The following SLC30A8 variants were observed in gnomAD, a reference collection of about 807,000 sequenced individuals.
The protein encoded by SLC30A8 is proton-coupled zinc antiporter SLC30A8.
SLC30A8 carries 27 observed loss-of-function variants against 36.9 expected under a neutral mutation model. The observed-to-expected ratio is 0.73, with a 90% CI of 0.54 to 1.01. The LOEUF (loss-of-function observed/expected upper bound fraction) is 1.01. Ranked by LOEUF, SLC30A8 falls within the 50% of genes least tolerant of loss-of-function variation. SLC30A8 has a pLI of 0.00. For missense variants in SLC30A8, 439 were observed against 452.0 expected (o/e 0.97, Z 0.26); for synonymous variants, 164 against 172.4 (o/e 0.95, Z 0.38).
At chr8:117,003,366 G>T (rs1816076024) in intron 1 of SLC30A8, among the ~76,000 whole-genome samples, 1 of 152,194 alleles carries the variant, frequency 6.6e-6, no homozygotes, top group Admixed American at 6.5e-5. Flanking sequence ...GGGCATGTTG[G>T]TTGAAGTTCT....
chr8:116,992,818 C>G (rs1445096573), intron 1 of SLC30A8, among the ~76,000 whole-genome samples: 1 of 152,080 alleles, frequency 6.6e-6, no homozygotes, highest in African/African-American at 2.4e-5. Flanking sequence ...TTATTTGCAG[C>G]CATGGGGTAG....
chr8:117,072,512 A>G (rs988195205), intron 2 of SLC30A8, among the ~76,000 whole-genome samples: 6 of 152,158 alleles, frequency 3.9e-5, no homozygotes, highest in Non-Finnish European at 8.8e-5. Context: ...ACATCTAATC[A>G]AGGATAACAT....
rs559555303 is a variant in SLC30A8 at position 117,073,860 on chromosome 8, C to T, written c.-226+34602C>T. Among the ~76,000 whole-genome samples, 36 of 152,176 alleles carry T rather than the reference C, an allele frequency of 2.4e-4. No homozygotes were observed. The South Asian group carries it at 6.4e-3, about 27-fold the overall frequency. On this transcript the variant is annotated intron_variant, in intron 2 of 10. Coordinates refer to the SLC30A8 transcript ENST00000427715. Reference sequence around the variant, plus strand: ...TGATCTAGTGCCTGCCTAAGTTCCCCGTCAGCCCTCCACAAATAATTCATA... The same window carrying T: ...TGATCTAGTGCCTGCCTAAGTTCCCTGTCAGCCCTCCACAAATAATTCATA...
intron 2 of SLC30A8, among the ~76,000 whole-genome samples, chr8:117,125,275 T>C (rs1820855716): frequency 6.6e-6 from 1 of 152,028 alleles, no homozygotes; most frequent in South Asian, 2.1e-4. Flanking sequence ...TTTGGTAATT[T>C]TCATTTACTC....
intron 1 of SLC30A8, among the ~76,000 whole-genome samples, chr8:116,955,259 C>G (rs1264632327): frequency 6.6e-6 from 1 of 152,114 alleles, no homozygotes; most frequent in Non-Finnish European, 1.5e-5. Flanking sequence ...AAGATAAGGT[C>G]ATTTTGGGCT....
chr8:117,156,006 C>A (rs955809559), intron 3 of SLC30A8, among the ~76,000 whole-genome samples: 1 of 152,120 alleles, frequency 6.6e-6, no homozygotes, highest in Non-Finnish European at 1.5e-5. Flanking sequence ...GACCCTATTT[C>A]CAAATAAAGT....
intron 2 of SLC30A8, among the ~76,000 whole-genome samples, chr8:117,050,281 A>C (rs970661662): frequency 6.6e-6 from 1 of 152,202 alleles, no homozygotes; most frequent in Admixed American, 6.5e-5. Context: ...TCTATAGAGC[A>C]GTAGCCTTGG....
chr8:117,104,297 C>G (rs528645667), intron 2 of SLC30A8, among the ~76,000 whole-genome samples: 1 of 152,182 alleles, frequency 6.6e-6, no homozygotes, highest in Non-Finnish European at 1.5e-5. Context: ...GAAACCAGGC[C>G]ACACTCTGTT....
intron 1 of SLC30A8, among the ~76,000 whole-genome samples, chr8:117,037,566 T>A (rs75015149): frequency 1.3e-5 from 2 of 152,080 alleles, no homozygotes; most frequent in Non-Finnish European, 2.9e-5. Flanking sequence ...TTTCTACAAT[T>A]TTTTTTGAGA....
chr8:116,994,316 C>T (rs907785449), intron 1 of SLC30A8, among the ~76,000 whole-genome samples: 1 of 152,058 alleles, frequency 6.6e-6, no homozygotes, highest in Non-Finnish European at 1.5e-5. Flanking sequence ...CTAGACTCAA[C>T]AGAAGAGATT....
At position 117,172,666 on chromosome 8, in the gene SLC30A8, AGACCCCTGT is replaced by A. The variant is rs1823445594; in HGVS notation, c.1099_1107del (p.Pro367_Asp369del). 6.2e-7 allele frequency: 1 copy of A among 1,613,556 alleles called. No individual in the cohort carries two copies. The highest frequency in any genetic ancestry group is 1.1e-5 in the South Asian group (1 of 91,086). On this transcript the variant is annotated inframe_deletion, in exon 8 of 8. Transcript: ENST00000456015. Reference sequence around the variant, plus strand: ...AGGACCCCGACTGCCTTTTCTGTGAAGACCCCTGTGACTAGCTCAGTCACACCGTCAGTT... The same window carrying A: ...AGGACCCCGACTGCCTTTTCTGTGAAGACTAGCTCAGTCACACCGTCAGTT...
chr8:117,139,576 C>T (rs946109466), intron 1 of SLC30A8, among the ~76,000 whole-genome samples: 8 of 152,042 alleles, frequency 5.3e-5, no homozygotes, highest in Non-Finnish European at 8.8e-5. Flanking sequence ...TTAATTGGAT[C>T]AGATTGTTGG....
intron 2 of SLC30A8, among the ~76,000 whole-genome samples, chr8:117,042,075 A>G (rs1392014228): frequency 6.6e-6 from 1 of 152,244 alleles, no homozygotes; most frequent in Non-Finnish European, 1.5e-5. Context: ...TAAAGCCAGT[A>G]CATTTTATCT....
intron 1 of SLC30A8, among the ~76,000 whole-genome samples, chr8:116,972,825 C>A (rs1181416382): frequency 6.6e-6 from 1 of 152,130 alleles, no homozygotes; most frequent in Admixed American, 6.6e-5. Context: ...TTCACAATTT[C>A]AAGTCCATTT....
chr8:116,959,901 C>A (rs1814358312), intron 1 of SLC30A8, among the ~76,000 whole-genome samples: 1 of 152,148 alleles, frequency 6.6e-6, no homozygotes, highest in African/African-American at 2.4e-5. Flanking sequence ...AGGGCATATC[C>A]CCTGAAGATC....
chr8:117,063,921 A>T (rs1818092081), intron 2 of SLC30A8, among the ~76,000 whole-genome samples: 1 of 152,214 alleles, frequency 6.6e-6, no homozygotes, highest in African/African-American at 2.4e-5. Flanking sequence ...TTTTCTATTA[A>T]GAGATCCGAG....
intron 2 of SLC30A8, among the ~76,000 whole-genome samples, chr8:117,118,726 T>A (rs1275447170): frequency 2.0e-5 from 3 of 151,920 alleles, no homozygotes; most frequent in African/African-American, 7.2e-5. Context: ...ACACATCTAG[T>A]TCCTTTTCTA....
intron 2 of SLC30A8, among the ~76,000 whole-genome samples, chr8:117,046,274 C>A (rs1817547173): frequency 6.6e-6 from 1 of 152,076 alleles, no homozygotes; most frequent in Non-Finnish European, 1.5e-5. Flanking sequence ...AGGGGTGGAC[C>A]CCCCCACCGC....
chr8:117,159,285 A>C (rs1324659729), intron 4 of SLC30A8, among the ~76,000 whole-genome samples: 1 of 152,236 alleles, frequency 6.6e-6, no homozygotes, highest in African/African-American at 2.4e-5. Flanking sequence ...CTTGCAATAC[A>C]ACTTGACACA....
Sources: allele counts gnomAD v4.1 joint callset (sites outside exome capture counted in the v4.1 genomes callset), GRCh38; gene constraint gnomAD v4.1.1; transcripts MANE v1.5; gene names NCBI Gene and HGNC (gene_info 2026-07-23, HGNC 2026-07-21).